CPEB1: variants seen among roughly 807,000 people sequenced by gnomAD.
The protein encoded by CPEB1 is cytoplasmic polyadenylation element binding protein 1.
Under a neutral mutation model 65.8 loss-of-function variants are expected in CPEB1, and 7 were observed. That is an observed-to-expected ratio of 0.11 (90% CI 0.06 to 0.20). The LOEUF (loss-of-function observed/expected upper bound fraction) is 0.20, where lower values mean the gene tolerates loss of function less well. CPEB1 is among the 10% of genes least tolerant of loss of function. The probability of loss-of-function intolerance (pLI) is 1.00; values close to 1 mark genes in which losing one functional copy is unlikely to be tolerated. For synonymous variants in CPEB1, 262 were observed against 260.0 expected (o/e 1.01, Z -0.08); for missense variants, 551 against 712.2 (o/e 0.77, Z 2.58).
Position 82,559,852 on chromosome 15 carries a change from G to C in CPEB1, c.461-1866C>G, listed in dbSNP as rs559937779. On this transcript the variant is annotated intron_variant, in intron 4 of 12. Transcript: ENST00000684509. ...TAATCCCAGCACTTTGGGAGGTTGA[G>C]ACAGGTAGATCACCTGAGGTCAGGA... is the stretch of plus-strand genomic sequence containing the variant. 2.0e-5 allele frequency among the ~76,000 whole-genome samples: 3 copies of C among 152,328 alleles called. 1 individual carries two copies. The South Asian group carries it at 6.2e-4, about 32-fold the overall frequency.
chr15:82,557,618 A>G (rs941964476), intron 5 of CPEB1, 142 bp downstream of exon 5: 4 of 685,842 alleles, frequency 5.8e-6, no homozygotes, highest in East Asian at 2.6e-5. Flanking sequence ...AATGTCCACA[A>G]TAATCTCCAC....
chr15:82,611,332 T>C (rs565314525), intron 3 of CPEB1, among the ~76,000 whole-genome samples: 4 of 152,266 alleles, frequency 2.6e-5, no homozygotes, highest in African/African-American at 7.2e-5. Context: ...TGACTTACAA[T>C]AGCATGAAAA....
At chr15:82,570,651 C>T (rs777755131) in intron 4 of CPEB1, among the ~76,000 whole-genome samples, 8 of 152,100 alleles carry the variant, frequency 5.3e-5, no homozygotes, top group East Asian at 1.9e-4. Flanking sequence ...CCCACTGAAC[C>T]CTACCAAGAA....
chr15:82,559,243 G>A (rs1477672831), intron 4 of CPEB1, among the ~76,000 whole-genome samples: 1 of 152,076 alleles, frequency 6.6e-6, no homozygotes, highest in Non-Finnish European at 1.5e-5. Flanking sequence ...TGCCATTGAT[G>A]GAACATATAC....
In CPEB1 at chr15:82,557,871, A is replaced by G; in HGVS notation, c.576T>C (p.Val192=). 1 of 1,614,108 alleles carries G rather than the reference A, an allele frequency of 6.2e-7. No individual in the cohort carries two copies. Among genetic ancestry groups the G allele is most frequent in the Non-Finnish European group, 8.5e-7 (1 of 1,180,014 alleles). The change falls in exon 5 of 13, where the codon GTT becomes GTC. Residue 192 remains valine, a synonymous_variant. Transcript: ENST00000684509. ...DLVDKFPAPS[V]RGSRLDTRPI... Reference sequence around the variant, plus strand: ...GCCGGGTGTCCAGGCGTGATCCTCTAACTGAGGGTGCTGGAAACTTGTCCA... The same window carrying G: ...GCCGGGTGTCCAGGCGTGATCCTCTGACTGAGGGTGCTGGAAACTTGTCCA...
chr15:82,622,410 GC>G (rs1334994281), intron 3 of CPEB1, among the ~76,000 whole-genome samples: 1 of 151,902 alleles, frequency 6.6e-6, no homozygotes, highest in Admixed American at 6.6e-5. Flanking sequence ...TCCCTGCCCC[GC>G]CACATCTCTC....
intron 3 of CPEB1, among the ~76,000 whole-genome samples, chr15:82,584,900 T>C (rs1163576089): frequency 8.3e-6 from 1 of 120,626 alleles, no homozygotes; most frequent in East Asian, 2.5e-4. Flanking sequence ...TTTTCCTAAT[T>C]TGCTTTTTTT....
At chr15:82,558,146 TGA>T (rs2037557014) in intron 4 of CPEB1, among the ~76,000 whole-genome samples, 160 bp from the exon 5 acceptor site, 2 of 152,218 alleles carry the variant, frequency 1.3e-5, no homozygotes, top group South Asian at 4.1e-4. Flanking sequence ...TATCCAGCTC[TGA>T]GACCTGGCCG....
At chr15:82,622,275 C>T (rs2045368262) in intron 3 of CPEB1, among the ~76,000 whole-genome samples, 1 of 152,214 alleles carries the variant, frequency 6.6e-6, no homozygotes, top group South Asian at 2.1e-4. Flanking sequence ...ACCCATCATG[C>T]AACAAGGGCC....
intron 3 of CPEB1, among the ~76,000 whole-genome samples, chr15:82,605,819 A>G (rs2043532417): frequency 6.6e-6 from 1 of 152,034 alleles, no homozygotes; most frequent in African/African-American, 2.4e-5. Context: ...TGGGCGGATC[A>G]CCTGAGGTCG....
At chr15:82,606,992 A>G (rs1039737012) in intron 3 of CPEB1, among the ~76,000 whole-genome samples, 7 of 152,000 alleles carry the variant, frequency 4.6e-5, no homozygotes, top group Non-Finnish European at 7.4e-5. Flanking sequence ...AAACATATAT[A>G]TAAGAATGAC....
chr15:82,544,948 G>T (rs2034901666), intron 12 of CPEB1, among the ~76,000 whole-genome samples: 4 of 152,194 alleles, frequency 2.6e-5, no homozygotes, highest in Admixed American at 6.5e-5. Flanking sequence ...TGTGTGCAGA[G>T]ACCATGCTAG....
chr15:82,595,452 A>G (rs1483575465), intron 3 of CPEB1, among the ~76,000 whole-genome samples: 1 of 152,212 alleles, frequency 6.6e-6, no homozygotes, highest in South Asian at 2.1e-4. Flanking sequence ...CTGATCAACA[A>G]TTGTTACTGC....
chr15:82,585,833 T>C (rs1409693796), intron 3 of CPEB1, among the ~76,000 whole-genome samples: 4 of 152,216 alleles, frequency 2.6e-5, no homozygotes, highest in African/African-American at 9.6e-5. Flanking sequence ...TCCTATGCAT[T>C]TGTGAACACT....
At chr15:82,579,918 CAAAAAAAAAAAAAAAAAAAAA>C (rs59925251) in intron 3 of CPEB1, among the ~76,000 whole-genome samples, 33 of 32,680 alleles carry the variant, frequency 1.0e-3, no homozygotes, top group South Asian at 5.8e-3. Context: ...GACTCCGTCT[CAAAAAAAAAAAAAAAAAAAAA>C]AAAAAAAAAA....
intron 3 of CPEB1, among the ~76,000 whole-genome samples, chr15:82,621,523 A>T (rs772174494): frequency 2.6e-5 from 4 of 151,910 alleles, no homozygotes; most frequent in Non-Finnish European, 4.4e-5. Context: ...CAGGAGGCTG[A>T]GGCAGGAGAC....
intron 3 of CPEB1, among the ~76,000 whole-genome samples, chr15:82,583,927 G>C (rs77622479): frequency 0.022 from 3,386 of 152,208 alleles, 127 homozygotes; most frequent in African/African-American, 0.077. Context: ...AAATTATTAG[G>C]TCCTGCTAAT....
At chr15:82,635,591 C>G (rs2151359163) in intron 1 of CPEB1, among the ~76,000 whole-genome samples, 2 of 152,238 alleles carry the variant, frequency 1.3e-5, no homozygotes, top group Non-Finnish European at 1.5e-5. Flanking sequence ...TCACATAGTT[C>G]AACCTAATAT....
chr15:82,634,837 A>G lies in CPEB1; in HGVS notation c.-97-6281T>C, dbSNP rs1224240228. ...CAAATAACTGGTTCTGCTGAGACGT[A>G]CTCTGGCAATTTGCCTTTATTTTTC... On this transcript the variant is annotated intron_variant, in intron 1 of 12. Transcript: ENST00000684509. 3.9e-5 allele frequency among the ~76,000 whole-genome samples: 6 copies of G among 152,216 alleles called. No homozygotes were observed. In the South Asian group the frequency reaches 1.0e-3, roughly 26 times the overall value.
Sources: gnomAD v4.1 joint callset for allele counts (sites outside exome capture counted in the v4.1 genomes callset) on GRCh38, gnomAD v4.1.1 for gene constraint, MANE v1.5 for transcripts, NCBI Gene and HGNC (gene_info 2026-07-23, HGNC 2026-07-21) for gene names.